Variants in TYW1 observed in about 807,000 individuals in gnomAD.
The protein encoded by TYW1 is tRNA-yW synthesizing protein 1 homolog, also known as S-adenosyl-L-methionine-dependent tRNA 4-demethylwyosine synthase TYW1.
Under a neutral mutation model 96.2 loss-of-function variants are expected in TYW1, and 46 were observed. The ratio of observed to expected loss-of-function variants is 0.48; its 90% CI spans 0.38 to 0.61. TYW1 has a LOEUF of 0.61. TYW1 is among the 20% of genes least tolerant of loss of function. The probability of loss-of-function intolerance (pLI) is 0.00; values close to 1 mark genes in which losing one functional copy is unlikely to be tolerated. For synonymous variants in TYW1, 274 were observed against 323.0 expected, an observed-to-expected ratio of 0.85 and a Z score of 1.63; for missense variants, 684 against 909.6, an observed-to-expected ratio of 0.75 and a Z score of 3.19.
At chr7:67,156,508 T>C (rs184157452) in intron 13 of TYW1, among the ~76,000 whole-genome samples, 65 of 152,312 alleles carry the variant, frequency 4.3e-4, no homozygotes, top group Non-Finnish European at 8.2e-4. Context: ...GCTCCCAGGC[T>C]TTGGAGAACA....
At chr7:67,014,763 C>T (rs553870323) in intron 5 of TYW1, among the ~76,000 whole-genome samples, 1 of 152,328 alleles carries the variant, frequency 6.6e-6, no homozygotes, top group East Asian at 1.9e-4. Flanking sequence ...GAGTTTTGCT[C>T]TGTCGCCCAG....
In TYW1 at chr7:67,098,643, G is replaced by A. The variant is rs1796993692; in HGVS notation, c.1487G>A (p.Arg496Lys). ...GEPIMYPEIN[R>K]FLKLLHQCKI... ...CCAATAATGTACCCAGAGATCAACA[G>A]GTTTTTGAAGCTACTCCACCAGTGT... The change falls in exon 12 of 16, where the codon AGG becomes AAG. Residue 496 changes from arginine to lysine, a missense_variant. Physicochemically the swap from Arg to Lys is conservative, Grantham distance 26 (BLOSUM62 2). Coordinates refer to ENST00000359626, the MANE Select transcript of TYW1 (RefSeq NM_018264.4). The A allele has an allele frequency of 1.2e-6, 2 of 1,613,874 alleles. No homozygotes were observed. Among genetic ancestry groups the A allele is most frequent in the Admixed American group, 1.7e-5 (1 of 59,956 alleles).
Position 67,187,782 on chromosome 7 carries a change from CAG to C in TYW1, c.1809+4547_1809+4548del, listed in dbSNP as rs546090276. Reference sequence around the variant, plus strand: ...GGAAGGATATCTGTCAGATTGTTAACAGTGACCTATTTGGGAGAAGGGGAGGG... The same window carrying C: ...GGAAGGATATCTGTCAGATTGTTAACTGACCTATTTGGGAGAAGGGGAGGG... On this transcript the variant is annotated intron_variant, in intron 14 of 15. Coordinates refer to ENST00000359626, the MANE Select transcript of TYW1 (RefSeq NM_018264.4). Among the ~76,000 whole-genome samples, 339 of 152,262 alleles carry C rather than the reference CAG, an allele frequency of 2.2e-3. 1 individual carries two copies. Among genetic ancestry groups the C allele is most frequent in the Middle Eastern group, 3.4e-3 (1 of 292 alleles).
intron 12 of TYW1, among the ~76,000 whole-genome samples, chr7:67,106,239 G>GA (rs1797239541): frequency 6.6e-6 from 1 of 152,212 alleles, no homozygotes; most frequent in Non-Finnish European, 1.5e-5. Flanking sequence ...TCCGCATTTT[G>GA]ATACACAAAG....
chr7:67,214,002 C>T (rs1285448405), intron 15 of TYW1, among the ~76,000 whole-genome samples: 1 of 152,186 alleles, frequency 6.6e-6, no homozygotes, highest in Non-Finnish European at 1.5e-5. Context: ...TAGATCCTTT[C>T]CCTTTCCATA....
chr7:67,013,739 CTTTTTTTTTTTTT>C (rs931500833), intron 4 of TYW1, among the ~76,000 whole-genome samples: 1 of 97,516 alleles, frequency 1.0e-5, no homozygotes, highest in Non-Finnish European at 1.9e-5. Context: ...GCATTTTTTC[CTTTTTTTTTTTTT>C]TTTTTTTTTG....
Position 67,015,806 on chromosome 7 carries a change from C to CA in TYW1, c.570+1252dup, listed in dbSNP as rs1315683900. ...TGAAGCCCCGTCTCTGCTAAAAATA[C>CA]AAAAAAATTAGCCAGGTGTGGTGGC... On this transcript the variant is annotated intron_variant, in intron 5 of 15. Coordinates refer to ENST00000359626, the MANE Select transcript of TYW1 (RefSeq NM_018264.4). Among the ~76,000 whole-genome samples, 5 of 151,882 alleles carry CA rather than the reference C, an allele frequency of 3.3e-5. No individual in the cohort carries two copies. In the South Asian group the frequency reaches 6.2e-4, roughly 19 times the overall value.
intron 7 of TYW1, among the ~76,000 whole-genome samples, chr7:67,033,160 G>T (rs545585693): frequency 6.6e-6 from 1 of 152,176 alleles, no homozygotes; most frequent in Non-Finnish European, 1.5e-5. Context: ...GCCTCCCAAA[G>T]TGTTGGGATT....
At chr7:67,038,702 G>A (rs1282267187) in intron 7 of TYW1, among the ~76,000 whole-genome samples, 3 of 152,088 alleles carry the variant, frequency 2.0e-5, no homozygotes, top group South Asian at 2.1e-4. Flanking sequence ...TCAGGAGTTC[G>A]AAACCAACCT....
At chr7:67,224,779 T>G (rs1452295569) in intron 15 of TYW1, among the ~76,000 whole-genome samples, 1 of 152,232 alleles carries the variant, frequency 6.6e-6, no homozygotes, top group African/African-American at 2.4e-5. Context: ...GTAACATTTA[T>G]TAAGGTTACC....
chr7:67,130,066 A>G (rs1192680594), intron 13 of TYW1, among the ~76,000 whole-genome samples: 3 of 151,554 alleles, frequency 2.0e-5, no homozygotes, highest in Non-Finnish European at 4.4e-5. Context: ...TTTTGTTAAC[A>G]GAGTGTCATA....
intron 12 of TYW1, among the ~76,000 whole-genome samples, chr7:67,113,224 G>A (rs1278147327): frequency 1.3e-5 from 2 of 150,888 alleles, no homozygotes; most frequent in Non-Finnish European, 2.9e-5. Flanking sequence ...TAGTCATGGC[G>A]CTGCGTGGTG....
At chr7:67,016,980 A>AT (rs35358824) in intron 5 of TYW1, among the ~76,000 whole-genome samples, 62,831 of 121,818 alleles carry the variant, frequency 0.52, 16,921 homozygotes, top group Admixed American at 0.58. Flanking sequence ...AGATATGTAA[A>AT]TTTTTTTTTT....
intron 10 of TYW1, among the ~76,000 whole-genome samples, chr7:67,080,949 T>G (rs1409395778): frequency 7.0e-5 from 9 of 129,092 alleles, no homozygotes; most frequent in Non-Finnish European, 1.6e-4. Context: ...TGTTTTTTTT[T>G]TTTTTTTTTT....
chr7:67,156,178 G>A lies in TYW1; in HGVS notation c.1699-26948G>A, dbSNP rs553765060. ...GTCGGGCCAGTCTTTGGGCCTCCAGGTGGCATGCTCATGCAATAGTGGTGG... is the reference window on the plus strand; with the variant it reads ...GTCGGGCCAGTCTTTGGGCCTCCAGATGGCATGCTCATGCAATAGTGGTGG... On this transcript the variant is annotated intron_variant, in intron 13 of 15. Coordinates refer to ENST00000359626, the MANE Select transcript of TYW1 (RefSeq NM_018264.4). Among the ~76,000 whole-genome samples the A allele has an allele frequency of 2.0e-5, 3 of 152,318 alleles. No individual in the cohort carries two copies. The South Asian group carries it at 6.2e-4, about 32-fold the overall frequency.
Position 67,206,531 on chromosome 7 carries a change from G to A in TYW1, c.1977+11194G>A, listed in dbSNP as rs376535595. ...CTGTAATCACAACTACTTGGGAGGC[G>A]GAGGCAGAAGAATTGCTTGAACCTG... On this transcript the variant is annotated intron_variant, in intron 15 of 15. Coordinates refer to ENST00000359626, the MANE Select transcript of TYW1 (RefSeq NM_018264.4). 5.5e-4 allele frequency among the ~76,000 whole-genome samples: 83 copies of A among 151,938 alleles called. 1 individual carries two copies. In the South Asian group the frequency reaches 0.014, roughly 25 times the overall value.
At chr7:67,006,693 A>G (rs1175619804) in intron 3 of TYW1, among the ~76,000 whole-genome samples, 1 of 151,576 alleles carries the variant, frequency 6.6e-6, no homozygotes, top group Non-Finnish European at 1.5e-5. Flanking sequence ...GCCCGCCTTG[A>G]CCTCCCAAAG....
In TYW1 at chr7:67,080,940, G is replaced by GTTT. The variant is rs71049495; in HGVS notation, c.1275-2465_1275-2463dup. Among the ~76,000 whole-genome samples, 26 of 37,250 alleles carry GTTT rather than the reference G, an allele frequency of 7.0e-4. 3 individuals carry two copies. Among genetic ancestry groups the GTTT allele is most frequent in the Non-Finnish European group, 1.1e-3 (22 of 20,740 alleles). The allele number at this position is 37,250 out of a possible 152,430, so 24.4% of individuals were successfully genotyped here. A position where few individuals can be genotyped will look rare whatever the true frequency, so the allele number is the denominator to read the frequency against. On this transcript the variant is annotated intron_variant, in intron 10 of 15. Transcript: ENST00000359626. ...TGTATATTGTTTTTGCTTTCTTACT[G>GTTT]TTTTTTTTTTTTTTTTTTTTTTTTT...
chr7:67,139,455 A>G lies in TYW1; in HGVS notation c.1698+21837A>G, dbSNP rs184392230. Among the ~76,000 whole-genome samples the G allele has an allele frequency of 6.2e-3, 943 of 152,130 alleles. 8 individuals are homozygous for G. The highest frequency in any genetic ancestry group is 0.013 in the African/African-American group (539 of 41,502). On this transcript the variant is annotated intron_variant, in intron 13 of 15. Transcript: ENST00000359626. Reference sequence around the variant, plus strand: ...TGTGTATGCACACATACATATGCATATACACATATGTGTATATATGTACAT... The same window carrying G: ...TGTGTATGCACACATACATATGCATGTACACATATGTGTATATATGTACAT...
Sources: gnomAD v4.1 joint callset for allele counts (sites outside exome capture counted in the v4.1 genomes callset) on GRCh38, gnomAD v4.1.1 for gene constraint, MANE v1.5 for transcripts, NCBI Gene and HGNC (gene_info 2026-07-23, HGNC 2026-07-21) for gene names.